The following ERBB4 variants were observed in gnomAD, a reference collection of about 807,000 sequenced individuals.
The protein encoded by ERBB4 is erb-b2 receptor tyrosine kinase 4.
Under a neutral mutation model 158.0 loss-of-function variants are expected in ERBB4, and 42 were observed. The observed-to-expected ratio is 0.27, with a 90% CI of 0.21 to 0.34. The LOEUF (loss-of-function observed/expected upper bound fraction) is 0.34. ERBB4 is among the 10% of genes least tolerant of loss of function. ERBB4 has a pLI of 1.00. For synonymous variants in ERBB4, 583 were observed against 558.7 expected, an observed-to-expected ratio of 1.04 and a Z score of -0.61; for missense variants, 1,333 against 1,624.1, an observed-to-expected ratio of 0.82 and a Z score of 3.08.
At chr2:211,790,593 T>C (rs773093830) in intron 3 of ERBB4, among the ~76,000 whole-genome samples, 6 of 152,022 alleles carry the variant, frequency 3.9e-5, no homozygotes, top group Non-Finnish European at 7.4e-5. Flanking sequence ...GGAAAAGGGA[T>C]TTAGAAAGGA....
intron 20 of ERBB4, among the ~76,000 whole-genome samples, chr2:211,450,565 C>T (rs1296048301): frequency 6.6e-6 from 1 of 152,022 alleles, no homozygotes; most frequent in Non-Finnish European, 1.5e-5. Context: ...TTAAAAGCTA[C>T]TATCAACATT....
At chr2:211,414,995 A>G (rs972402145) in intron 25 of ERBB4, among the ~76,000 whole-genome samples, 4 of 151,882 alleles carry the variant, frequency 2.6e-5, no homozygotes, top group Non-Finnish European at 5.9e-5. Context: ...GTGAGCATTC[A>G]GTAAGTTTTA....
chr2:211,919,174 G>A (rs1386822193), intron 3 of ERBB4, among the ~76,000 whole-genome samples: 1 of 151,906 alleles, frequency 6.6e-6, no homozygotes, highest in Non-Finnish European at 1.5e-5. Context: ...CTTTTTATGG[G>A]GCAGTTTCCA....
chr2:211,516,723 G>A (rs1223197876), intron 20 of ERBB4, among the ~76,000 whole-genome samples: 2 of 152,060 alleles, frequency 1.3e-5, no homozygotes, highest in Admixed American at 6.5e-5. Flanking sequence ...TCTTTCTCAC[G>A]CTGCAGTCAG....
intron 1 of ERBB4, among the ~76,000 whole-genome samples, chr2:212,490,761 A>G (rs1209306142): frequency 1.3e-5 from 2 of 151,778 alleles, no homozygotes; most frequent in African/African-American, 4.8e-5. Context: ...CTTTTCTTGT[A>G]TAATTAACTA....
chr2:212,452,774 TC>T lies in ERBB4; in HGVS notation c.82+85674del, dbSNP rs1305987487. 2.3e-4 allele frequency among the ~76,000 whole-genome samples: 35 copies of T among 152,246 alleles called. No individual in the cohort carries two copies. In the Middle Eastern group the frequency reaches 0.017, roughly 74 times the overall value. On this transcript the variant is annotated intron_variant, in intron 1 of 27. Transcript: ENST00000342788. Reference sequence around the variant, plus strand: ...AATTCATTTGACCAATTAATTCCTCTCCACAGTGCTTATCTACATACTAGAA... The same window carrying T: ...AATTCATTTGACCAATTAATTCCTCTCACAGTGCTTATCTACATACTAGAA...
At chr2:212,133,703 G>T (rs769136892) in intron 1 of ERBB4, among the ~76,000 whole-genome samples, 30 of 151,324 alleles carry the variant, frequency 2.0e-4, no homozygotes, top group Non-Finnish European at 2.2e-4. Context: ...GGTGGCTCAC[G>T]CCTGAAATCC....
intron 1 of ERBB4, among the ~76,000 whole-genome samples, chr2:212,432,882 A>G (rs182039735): frequency 6.6e-6 from 1 of 152,204 alleles, no homozygotes; most frequent in African/African-American, 2.4e-5. Flanking sequence ...CGGTGAGGAT[A>G]GTAATGGCAG....
At chr2:211,804,551 A>G (rs2076570900) in intron 3 of ERBB4, among the ~76,000 whole-genome samples, 1 of 152,238 alleles carries the variant, frequency 6.6e-6, no homozygotes, top group Non-Finnish European at 1.5e-5. Context: ...AAGACAAATT[A>G]TCTCAGGAAT....
rs73082640 is a variant in ERBB4, at chr2:211,704,469, C to T, written c.1199-275G>A. Among the ~76,000 whole-genome samples, 1,193 of 152,218 alleles carry T rather than the reference C, an allele frequency of 7.8e-3. 11 individuals carry two copies. Among genetic ancestry groups the T allele is most frequent in the African/African-American group, 0.027 (1,122 of 41,538 alleles). On this transcript the variant is annotated intron_variant, in intron 10 of 27. Transcript: ENST00000342788. ...GTCTAACTAGATAAAGAGAAAAATA[C>T]AGTTTCAATTTCTCTGAAATCTTTT... is the stretch of plus-strand genomic sequence containing the variant.
intron 3 of ERBB4, among the ~76,000 whole-genome samples, chr2:211,881,819 C>A (rs2078671207): frequency 6.6e-6 from 1 of 152,156 alleles, no homozygotes. Flanking sequence ...TAAGCTCACT[C>A]TTTGTGTGTC....
rs372581108 is a variant in ERBB4 at position 211,911,925 on chromosome 2, T to C, written c.421+35505A>G. Among the ~76,000 whole-genome samples, 263 of 152,084 alleles carry C rather than the reference T, an allele frequency of 1.7e-3. 2 individuals are homozygous for C. The highest frequency in any genetic ancestry group is 6.0e-3 in the African/African-American group (248 of 41,468). On this transcript the variant is annotated intron_variant, in intron 3 of 27. Coordinates refer to ENST00000342788, the MANE Select transcript of ERBB4 (RefSeq NM_005235.3). ...AGACAGTGACAACCAAAATGAGTGA[T>C]TGAGGCATAAGTTTCAATCACTGAG...
intron 20 of ERBB4, among the ~76,000 whole-genome samples, chr2:211,496,388 T>C (rs955280801): frequency 1.6e-4 from 24 of 152,044 alleles, no homozygotes; most frequent in Admixed American, 1.5e-3. Context: ...GTGCTCCTAA[T>C]AATCTCTGCC....
chr2:211,407,314 A>G (rs2063167248), intron 25 of ERBB4, among the ~76,000 whole-genome samples: 1 of 152,176 alleles, frequency 6.6e-6, no homozygotes, highest in African/African-American at 2.4e-5. Flanking sequence ...TCTCTAACAC[A>G]TAACTACAAT....
chr2:211,510,031 CAGAGGTTTCTCAAATAACTAAA>C (rs757781782), intron 20 of ERBB4, among the ~76,000 whole-genome samples: 2 of 152,094 alleles, frequency 1.3e-5, no homozygotes, highest in Non-Finnish European at 2.9e-5. Flanking sequence ...GAAAACAGCA[CAGAGGTTTCTCAAATAACTAAA>C]AATAGAACTA....
At chr2:212,498,151 T>C (rs1184133963) in intron 1 of ERBB4, among the ~76,000 whole-genome samples, 2 of 151,968 alleles carry the variant, frequency 1.3e-5, no homozygotes, top group Non-Finnish European at 2.9e-5. Flanking sequence ...TGCACAGCCG[T>C]GTACACAATG....
intron 1 of ERBB4, among the ~76,000 whole-genome samples, chr2:212,365,252 T>C (rs572005844): frequency 6.6e-5 from 10 of 151,756 alleles, no homozygotes; most frequent in African/African-American, 2.4e-4. Flanking sequence ...AATTATCTTG[T>C]GAACTCTTTG....
Position 211,763,054 on chromosome 2 carries a change from G to T in ERBB4, c.557-12350C>A, listed in dbSNP as rs201726870. ...ACATCTAGGGATTGTGTGTGTGTGTGGTGTGTGTGTGTGTGTCTGGAGACA... is the reference window on the plus strand; with the variant it reads ...ACATCTAGGGATTGTGTGTGTGTGTTGTGTGTGTGTGTGTGTCTGGAGACA... On this transcript the variant is annotated intron_variant, in intron 4 of 27. Transcript: ENST00000342788. Among the ~76,000 whole-genome samples, 49 of 151,296 alleles carry T rather than the reference G, an allele frequency of 3.2e-4. 1 individual carries two copies. Among genetic ancestry groups the T allele is most frequent in the Admixed American group, 3.0e-3 (45 of 15,164 alleles).
At chr2:211,709,393 C>T (rs1385050095) in intron 9 of ERBB4, among the ~76,000 whole-genome samples, 1 of 150,748 alleles carries the variant, frequency 6.6e-6, no homozygotes, top group African/African-American at 2.4e-5. Context: ...ACTAAAATAA[C>T]TATTCTGAAC....
Sources: gnomAD v4.1 joint callset for allele counts (sites outside exome capture counted in the v4.1 genomes callset) on GRCh38, gnomAD v4.1.1 for gene constraint, MANE v1.5 for transcripts, NCBI Gene and HGNC (gene_info 2026-07-23, HGNC 2026-07-21) for gene names.